The following TTLL7 variants were observed in gnomAD, a reference collection of about 807,000 sequenced individuals.
TTLL7 encodes the protein tubulin polyglutamylase TTLL7.
In TTLL7, 53 loss-of-function variants were observed where a neutral mutation model predicts 120.2. The ratio of observed to expected loss-of-function variants is 0.44; its 90% CI spans 0.35 to 0.55. The LOEUF (loss-of-function observed/expected upper bound fraction) is 0.55. Ranked by LOEUF, TTLL7 falls within the 20% of genes least tolerant of loss-of-function variation. The pLI, the probability that TTLL7 is intolerant of heterozygous loss-of-function variation, is 0.00. For missense variants in TTLL7, 803 were observed against 1,054.7 expected (o/e 0.76, Z 3.31); for synonymous variants, 353 against 351.7 (o/e 1.00, Z -0.04).
At chr1:83,887,205 G>A in intron 19 of TTLL7, 2 of 1,144,170 alleles carry the variant, frequency 1.7e-6, no homozygotes, top group Non-Finnish European at 2.2e-6. Context: ...ATGTTGACAG[G>A]CAAAGGCAAG....
chr1:83,907,600 C>G lies in TTLL7; in HGVS notation c.1848G>C (p.Gly616=), dbSNP rs368441891. The G allele has an allele frequency of 1.2e-6, 2 of 1,613,112 alleles. No homozygotes were observed. The highest frequency in any genetic ancestry group is 1.7e-6 in the Non-Finnish European group (2 of 1,179,510). Residue 616 remains glycine, a synonymous_variant, in exon 16 of 21, where the codon GGG becomes GGC. Coordinates refer to ENST00000260505, the MANE Select transcript of TTLL7 (RefSeq NM_024686.6). ...GTTGAGCAGAAAATGGGCGGGTGTC[C>G]CCACTGGAAGGTGATTGAGCAGAGA... ...RSISAQSPSS[G]DTRPFSAQQM...
chr1:83,952,152 C>A (rs770794078), intron 2 of TTLL7, 35 bp downstream of exon 2: 3 of 1,597,018 alleles, frequency 1.9e-6, no homozygotes, highest in Non-Finnish European at 2.6e-6. Context: ...ATAACACCTC[C>A]ATATTTTGTA....
chr1:83,981,377 C>T (rs1651936311), intron 1 of TTLL7: 1 of 150,098 alleles, frequency 6.7e-6, no homozygotes, highest in Admixed American at 6.6e-5. Flanking sequence ...AAATAAATTT[C>T]AAAGCAAAAA....
chr1:83,996,413 T>C (rs1427814715), intron 1 of TTLL7, among the ~76,000 whole-genome samples: 1 of 152,200 alleles, frequency 6.6e-6, no homozygotes, highest in Non-Finnish European at 1.5e-5. Flanking sequence ...TCACCATGTA[T>C]CCAAACAGTA....
At chr1:83,924,327 C>T (rs1019167404) in intron 10 of TTLL7, among the ~76,000 whole-genome samples, 13 of 152,166 alleles carry the variant, frequency 8.5e-5, no homozygotes, top group African/African-American at 3.1e-4. Flanking sequence ...CTAGGTTTTA[C>T]GAATGTGCCG....
chr1:83,905,851 ACAGCT>A (rs1657158715), intron 17 of TTLL7, among the ~76,000 whole-genome samples: 1 of 152,006 alleles, frequency 6.6e-6, no homozygotes, highest in Non-Finnish European at 1.5e-5. Context: ...AGAAAAACAC[ACAGCT>A]CAGCATAAGT....
At chr1:83,951,107 T>A (rs535642838) in intron 3 of TTLL7, among the ~76,000 whole-genome samples, 2 of 152,252 alleles carry the variant, frequency 1.3e-5, no homozygotes, top group African/African-American at 4.8e-5. Context: ...CCCAGCACTT[T>A]GGGAGTCCAA....
At chr1:83,948,500 C>A in intron 5 of TTLL7, 128 bp downstream of exon 5, 1 of 631,552 alleles carries the variant, frequency 1.6e-6, no homozygotes, top group Admixed American at 3.0e-5. Flanking sequence ...ACCTCTCTAG[C>A]TCCAAAATTC....
In TTLL7 at chr1:83,953,609, G is replaced by A. The variant is rs1249471172; in HGVS notation, c.-176-1222C>T. Among the ~76,000 whole-genome samples, 7 of 152,000 alleles carry A rather than the reference G, an allele frequency of 4.6e-5. No individual in the cohort carries two copies. In the East Asian group the frequency reaches 1.3e-3, roughly 29 times the overall value. On this transcript the variant is annotated intron_variant, in intron 1 of 20. Coordinates refer to ENST00000260505, the MANE Select transcript of TTLL7 (RefSeq NM_024686.6). Reference sequence around the variant, plus strand: ...TTTATTACAGACCAACTGTAGGTAGGCATTTTATTAAGCATTTTAAATATT... The same window carrying A: ...TTTATTACAGACCAACTGTAGGTAGACATTTTATTAAGCATTTTAAATATT...
chr1:83,951,921 T>G lies in TTLL7; in HGVS notation c.81A>C (p.Thr27=), dbSNP rs1380659641. The G allele has an allele frequency of 6.2e-7, 1 of 1,613,428 alleles. No individual in the cohort carries two copies. The highest frequency in any genetic ancestry group is 8.5e-7 in the Non-Finnish European group (1 of 1,179,686). ...TCTTCTTTCTGACTTTCCTTTTCAT[T>G]GTGCTTTGATAAGGTAATTCTGTAT... ...DLNTELPYQS[T]MKRKVRKKKK... is the part of the protein sequence containing the mutation. The change falls in exon 3 of 21, where the codon ACA becomes ACC. Residue 27 remains threonine (T), a synonymous_variant. Transcript: ENST00000260505.
intron 1 of TTLL7, chr1:83,981,031 CTT>C (rs1016174858): frequency 1.4e-5 from 2 of 147,154 alleles, no homozygotes; most frequent in Non-Finnish European, 3.0e-5. Flanking sequence ...GTTTCAAAAA[CTT>C]ATAAATAAAT....
At chr1:83,887,176 CTTTGT>C in intron 19 of TTLL7, 1 of 1,085,462 alleles carries the variant, frequency 9.2e-7, no homozygotes, top group Non-Finnish European at 1.1e-6. Context: ...GGTTTACTTA[CTTTGT>C]TTTATTATTG....
intron 13 of TTLL7, among the ~76,000 whole-genome samples, chr1:83,919,297 A>G (rs1302834870): frequency 7.2e-6 from 1 of 138,440 alleles, no homozygotes; most frequent in Non-Finnish European, 1.5e-5. Context: ...TGTGTGTTTC[A>G]TTTACTTCCT....
At chr1:83,902,848 T>G (rs1008490832) in intron 18 of TTLL7, among the ~76,000 whole-genome samples, 2 of 151,866 alleles carry the variant, frequency 1.3e-5, no homozygotes, top group Non-Finnish European at 2.9e-5. Flanking sequence ...ATCAACATGG[T>G]CAAAATAAAA....
chr1:83,896,759 T>G (rs1471185756), intron 18 of TTLL7, among the ~76,000 whole-genome samples: 1 of 152,116 alleles, frequency 6.6e-6, no homozygotes, highest in African/African-American at 2.4e-5. Context: ...GCAAATACAG[T>G]ACAACCTTAA....
chr1:83,959,228 A>G (rs1649802064), intron 1 of TTLL7, among the ~76,000 whole-genome samples: 1 of 152,198 alleles, frequency 6.6e-6, no homozygotes, highest in Non-Finnish European at 1.5e-5. Context: ...AGGCCCATCA[A>G]TTAACAAGTC....
intron 1 of TTLL7, among the ~76,000 whole-genome samples, chr1:83,959,586 G>T (rs1035029679): frequency 1.3e-5 from 2 of 152,084 alleles, no homozygotes; most frequent in African/African-American, 2.4e-5. Context: ...TACCCCCCTT[G>T]TTTGACCCCA....
chr1:83,980,699 A>G (rs912467501), intron 1 of TTLL7: 1 of 152,218 alleles, frequency 6.6e-6, no homozygotes, highest in Non-Finnish European at 1.5e-5. Flanking sequence ...GGAAAGAATA[A>G]TAACAGAATT....
chr1:83,981,206 T>C (rs1008898466), intron 1 of TTLL7: 1 of 151,930 alleles, frequency 6.6e-6, no homozygotes, highest in Non-Finnish European at 1.5e-5. Flanking sequence ...AAAGAGAGAT[T>C]GGCACAGTAA....
Sources: allele counts gnomAD v4.1 joint callset (sites outside exome capture counted in the v4.1 genomes callset), GRCh38; gene constraint gnomAD v4.1.1; transcripts MANE v1.5; gene names NCBI Gene and HGNC (gene_info 2026-07-23, HGNC 2026-07-21).